Variants in NSA2 observed in about 807,000 individuals in gnomAD.
The protein encoded by NSA2 is ribosome biogenesis protein NSA2 homolog.
In NSA2, 18 loss-of-function variants were observed where a neutral mutation model predicts 34.8. The observed-to-expected ratio is 0.52, with a 90% CI of 0.36 to 0.77. The LOEUF (loss-of-function observed/expected upper bound fraction) is 0.77, where lower values mean the gene tolerates loss of function less well. NSA2 is among the 30% of genes least tolerant of loss of function. The pLI is 0.00. For synonymous variants in NSA2, 79 were observed against 100.2 expected (o/e 0.79, Z 1.26); for missense variants, 188 against 314.7 (o/e 0.60, Z 3.05).
At position 74,773,901 on chromosome 5, in the gene NSA2, C is replaced by T. The variant is rs1745026622; in HGVS notation, c.556C>T (p.Pro186Ser). ...LRFKKAHVTH[P>S]ELKATFCLPI... ...TTTCAAGAAAGCCCATGTAACACATCCTGAACTGAAAGCCACCTTTTGCCT... is the reference window on the plus strand; with the variant it reads ...TTTCAAGAAAGCCCATGTAACACATTCTGAACTGAAAGCCACCTTTTGCCT... The change falls in exon 5 of 6, where the codon CCT (proline) becomes TCT (serine). Residue 186 changes from proline (P) to serine (S), a missense_variant. By Grantham distance (74) the Pro-to-Ser change is moderately conservative. Coordinates refer to ENST00000610426, the MANE Select transcript of NSA2 (RefSeq NM_014886.6). The T allele has an allele frequency of 1.2e-6, 2 of 1,613,616 alleles. No individual in the cohort carries two copies. Among genetic ancestry groups the T allele is most frequent in the Non-Finnish European group, 8.5e-7 (1 of 1,179,766 alleles).
chr5:74,767,338 C>T lies in NSA2; in HGVS notation c.-23C>T. 1.9e-6 allele frequency: 3 copies of T among 1,613,454 alleles called. No homozygotes were observed. Among genetic ancestry groups the T allele is most frequent in the Non-Finnish European group, 2.5e-6 (3 of 1,179,632 alleles). ...CGTTTTCGCACTCCAGCGGCTGCTC[C>T]TGGCGGCTCTGCGGCCGTCACCATG... On this transcript the variant is annotated 5_prime_UTR_variant, in exon 1 of 6. Coordinates refer to ENST00000610426, the MANE Select transcript of NSA2 (RefSeq NM_014886.6).
At chr5:74,774,372 C>T (rs1042003769) in intron 5 of NSA2, among the ~76,000 whole-genome samples, 4 of 152,114 alleles carry the variant, frequency 2.6e-5, no homozygotes, top group Non-Finnish European at 5.9e-5. Flanking sequence ...GAGGCTGAGG[C>T]GGGTGGATCA....
At chr5:74,774,945 G>A (rs1745063291) in intron 5 of NSA2, among the ~76,000 whole-genome samples, 1 of 152,036 alleles carries the variant, frequency 6.6e-6, no homozygotes, top group Admixed American at 6.5e-5. Flanking sequence ...TGCCAGGAGC[G>A]GTGGCTCAGC....
chr5:74,768,298 G>T lies in NSA2; in HGVS notation c.4-633G>T, dbSNP rs182175776. Among the ~76,000 whole-genome samples, 3 of 152,302 alleles carry T rather than the reference G, an allele frequency of 2.0e-5. No individual in the cohort carries two copies. The East Asian group carries it at 5.8e-4, about 29-fold the overall frequency. On this transcript the variant is annotated intron_variant, in intron 1 of 5. Coordinates refer to ENST00000610426, the MANE Select transcript of NSA2 (RefSeq NM_014886.6). ...CTACTCAACAATAAAAAGGATTGAA[G>T]TTCCTATACCTGCAGCAAATTGGGT...
At chr5:74,774,750 G>GGTCA (rs1398455777) in intron 5 of NSA2, among the ~76,000 whole-genome samples, 1 of 152,104 alleles carries the variant, frequency 6.6e-6, no homozygotes, top group African/African-American at 2.4e-5. Context: ...TTAAAAGTGA[G>GGTCA]GTCAGCTTAC....
chr5:74,767,347 C>G lies in NSA2; in HGVS notation c.-14C>G. On this transcript the variant is annotated 5_prime_UTR_variant, in exon 1 of 6. Transcript: ENST00000610426. Reference sequence around the variant, plus strand: ...ACTCCAGCGGCTGCTCCTGGCGGCTCTGCGGCCGTCACCATGGTAAGGAGG... The same window carrying G: ...ACTCCAGCGGCTGCTCCTGGCGGCTGTGCGGCCGTCACCATGGTAAGGAGG... 6.2e-7 allele frequency: 1 copy of G among 1,613,412 alleles called. No individual in the cohort carries two copies. The highest frequency in any genetic ancestry group is 8.5e-7 in the Non-Finnish European group (1 of 1,179,704).
intron 4 of NSA2, 149 bp downstream of exon 4, chr5:74,770,959 A>C: frequency 1.4e-6 from 1 of 706,988 alleles, no homozygotes; most frequent in Non-Finnish European, 2.2e-6. Flanking sequence ...TATTGACAGA[A>C]GTTATTTAGT....
intron 4 of NSA2, chr5:74,771,514 C>T (rs528204356): frequency 6.6e-6 from 1 of 152,016 alleles, no homozygotes; most frequent in Admixed American, 6.5e-5. Flanking sequence ...TTATAAGAGT[C>T]AATTCCAGTT....
At chr5:74,773,030 C>G (rs552190158) in intron 4 of NSA2, among the ~76,000 whole-genome samples, 1 of 152,238 alleles carries the variant, frequency 6.6e-6, no homozygotes, top group South Asian at 2.1e-4. Flanking sequence ...AGCTGACAGT[C>G]CACTCCTTTT....
intron 4 of NSA2, among the ~76,000 whole-genome samples, chr5:74,773,328 C>T (rs1195817026): frequency 6.7e-6 from 1 of 148,768 alleles, no homozygotes; most frequent in Non-Finnish European, 1.5e-5. Flanking sequence ...GTAGCTATTA[C>T]AGGGTGAAAA....
chr5:74,775,696 A>C (rs1745089880), intron 5 of NSA2, among the ~76,000 whole-genome samples: 2 of 151,654 alleles, frequency 1.3e-5, no homozygotes, highest in South Asian at 4.2e-4. Flanking sequence ...ATAACTAAAA[A>C]AAATTGTAAA....
rs62635806 is a variant in NSA2, at chr5:74,769,047, G to A, written c.120G>A (p.Lys40=). 3.5e-3 allele frequency: 5,611 copies of A among 1,612,128 alleles called. 174 individuals carry two copies. The African/African-American group carries it at 0.063, about 18-fold the overall frequency. ...CTCATGAACGTTCAAAGAAGGCAAA[G>A]AAAATGATTGGTCTGAAGGCTAAGC... ...REAHERSKKA[K]KMIGLKAKLY... Residue 40 remains lysine (K), a synonymous_variant, in exon 2 of 6, where the codon AAG becomes AAA. Transcript: ENST00000610426.
intron 5 of NSA2, among the ~76,000 whole-genome samples, chr5:74,774,809 C>A (rs918943629): frequency 2.6e-5 from 4 of 152,142 alleles, no homozygotes; most frequent in African/African-American, 9.7e-5. Flanking sequence ...GAAAAAATTT[C>A]TTTTGCCACA....
chr5:74,771,932 T>G (rs1744948353), intron 4 of NSA2, among the ~76,000 whole-genome samples: 3 of 152,060 alleles, frequency 2.0e-5, no homozygotes, highest in Admixed American at 2.0e-4. Context: ...TAATTTCTGT[T>G]GAAGGCAGCA....
rs1368782670 is a variant in NSA2, at chr5:74,776,827, CTTTAT to C, written c.*160_*164del. On this transcript the variant is annotated 3_prime_UTR_variant, in exon 6 of 6. Transcript: ENST00000610426. Reference sequence around the variant, plus strand: ...AAAGTGGTCCAGTTTTATAAATGGTCTTTATTTTGAAATACGCTTTGACCCCATGT... The same window carrying C: ...AAAGTGGTCCAGTTTTATAAATGGTCTTTGAAATACGCTTTGACCCCATGT... 1 of 485,182 alleles carries C rather than the reference CTTTAT, an allele frequency of 2.1e-6. No homozygotes were observed. Among genetic ancestry groups the C allele is most frequent in the Non-Finnish European group, 3.7e-6 (1 of 267,544 alleles). 30.1% of individuals were successfully genotyped at this position (485,182 alleles called of 1,614,324 possible). A position where few individuals can be genotyped will look rare whatever the true frequency, so the allele number is the denominator to read the frequency against.
chr5:74,779,227 ACT>A lies in NSA2; in HGVS notation c.*2558_*2559del, dbSNP rs1346151897. The A allele has an allele frequency of 1.3e-5, 2 of 152,074 alleles. No homozygotes were observed. The highest frequency in any genetic ancestry group is 1.9e-4 in the East Asian group (1 of 5,194). 9.4% of individuals were successfully genotyped at this position (152,074 alleles called of 1,614,324 possible). ...TATGATTAATAAACATTTTTTGTAAACTCAACTATATTCACACATCAAGAGTT... is the reference window on the plus strand; with the variant it reads ...TATGATTAATAAACATTTTTTGTAAACAACTATATTCACACATCAAGAGTT... On this transcript the variant is annotated 3_prime_UTR_variant, in exon 6 of 6. Transcript: ENST00000610426.
rs755705118 is a variant in NSA2 at position 74,767,346 on chromosome 5, T to C, written c.-15T>C. On this transcript the variant is annotated 5_prime_UTR_variant, in exon 1 of 6. Coordinates refer to ENST00000610426, the MANE Select transcript of NSA2 (RefSeq NM_014886.6). The stretch of plus-strand genomic sequence containing the variant: ...CACTCCAGCGGCTGCTCCTGGCGGC[T>C]CTGCGGCCGTCACCATGGTAAGGAG... 8.1e-6 allele frequency: 13 copies of C among 1,613,234 alleles called. No homozygotes were observed. The South Asian group carries it at 1.1e-4, about 14-fold the overall frequency.
chr5:74,778,597 T>TA lies in NSA2; in HGVS notation c.*1933dup, dbSNP rs11327417. 2.0e-5 allele frequency: 3 copies of TA among 151,932 alleles called. No individual in the cohort carries two copies. Among genetic ancestry groups the TA allele is most frequent in the African/African-American group, 4.8e-5 (2 of 41,482 alleles). The allele number at this position is 151,932 out of a possible 1,614,324, so 9.4% of individuals were successfully genotyped here. A position where few individuals can be genotyped will look rare whatever the true frequency, so the allele number is the denominator to read the frequency against. On this transcript the variant is annotated 3_prime_UTR_variant, in exon 6 of 6. Coordinates refer to ENST00000610426, the MANE Select transcript of NSA2 (RefSeq NM_014886.6). ...TTCTAAATCATGCTGTTTGATTTTATAAAAAAATCATAATAGACCCTCTCA... is the reference window on the plus strand; with the variant it reads ...TTCTAAATCATGCTGTTTGATTTTATAAAAAAAATCATAATAGACCCTCTCA...
Position 74,769,142 on chromosome 5 carries a change from A to C in NSA2, c.191+24A>C, listed in dbSNP as rs757496640. The C allele has an allele frequency of 2.5e-6, 4 of 1,596,052 alleles. No individual in the cohort carries two copies. In the Admixed American group the frequency reaches 7.2e-5, roughly 29 times the overall value. ...ACGTAAGTGGTCTCATTTATTTGTC[A>C]TAACAAGTTAACATCTTTTGAGTAA... On this transcript the variant is annotated intron_variant, in intron 2 of 5. Coordinates refer to ENST00000610426, the MANE Select transcript of NSA2 (RefSeq NM_014886.6).
Sources: gnomAD v4.1 joint callset for allele counts (sites outside exome capture counted in the v4.1 genomes callset) on GRCh38, gnomAD v4.1.1 for gene constraint, MANE v1.5 for transcripts, NCBI Gene and HGNC (gene_info 2026-07-23, HGNC 2026-07-21) for gene names.